SETX: variants seen among roughly 807,000 people sequenced by gnomAD.
SETX encodes senataxin.
In SETX, 90 loss-of-function variants were observed where a neutral mutation model predicts 227.2. That is an observed-to-expected ratio of 0.40 (90% CI 0.33 to 0.47). SETX has a LOEUF of 0.47. Ranked by LOEUF, SETX falls within the 20% of genes least tolerant of loss-of-function variation. SETX has a pLI of 0.91. For synonymous variants in SETX, 1,210 were observed against 1,113.2 expected (o/e 1.09, Z -1.73); for missense variants, 3,052 against 3,181.5 (o/e 0.96, Z 0.98).
chr9:132,265,001 A>C lies in SETX; in HGVS notation c.7288-16T>G, dbSNP rs1725584781. On this transcript the variant is annotated splice_polypyrimidine_tract_variant and intron_variant, in intron 25 of 25. Transcript: ENST00000224140. Reference sequence around the variant, plus strand: ...GCTGGTTTTCCTTGAAACAATGAGAAGGGAGAAATAATTACACCCCAAAGA... The same window carrying C: ...GCTGGTTTTCCTTGAAACAATGAGACGGGAGAAATAATTACACCCCAAAGA... 6.2e-7 allele frequency: 1 copy of C among 1,611,598 alleles called. No individual in the cohort carries two copies. Among genetic ancestry groups the C allele is most frequent in the Admixed American group, 1.7e-5 (1 of 60,022 alleles).
Position 132,311,785 on chromosome 9 carries a change from G to T in SETX, c.5346C>A (p.Ala1782=). 1 of 1,613,122 alleles carries T rather than the reference G, an allele frequency of 6.2e-7. No individual in the cohort carries two copies. Residue 1782 remains alanine, a synonymous_variant, in exon 11 of 26, where the codon GCC becomes GCA. Transcript: ENST00000224140. ...FYQLQVRKFP[A]DYIKYWEFAV... ...CAAACTCCCAGTATTTTATATAATC[G>T]GCAGGAAATTTTCGTACTTGCAACT...
At chr9:132,333,416 T>TATATATACACACAC in intron 7 of SETX, among the ~76,000 whole-genome samples, 2 of 88,074 alleles carry the variant, frequency 2.3e-5, no homozygotes, top group African/African-American at 1.0e-4. Flanking sequence ...AAAATATATA[T>TATATATACACACAC]ACACACACAC....
Position 132,288,585 on chromosome 9 carries a change from T to C in SETX, c.6173A>G (p.Lys2058Arg), listed in dbSNP as rs777797523. Residue 2058 changes from lysine to arginine, a missense_variant, in exon 16 of 26, where the codon AAG becomes AGG. Physicochemically the swap from Lys to Arg is conservative, Grantham distance 26. Coordinates refer to ENST00000224140, the MANE Select transcript of SETX (RefSeq NM_015046.7). ...PEKSINSEVL[K>R]FSLDSQVNHR... ...GTTTACTTGGCTGTCCAAACTGAAC[T>C]TTAGAACCTCACTATTAATAGACTT... The C allele has an allele frequency of 2.1e-5, 34 of 1,613,814 alleles. 1 individual carries two copies. In the South Asian group the frequency reaches 3.7e-4, roughly 18 times the overall value.
intron 25 of SETX, among the ~76,000 whole-genome samples, chr9:132,265,227 T>TG (rs1023328831): frequency 4.9e-5 from 7 of 144,196 alleles, no homozygotes; most frequent in Non-Finnish European, 9.1e-5. Flanking sequence ...AACTTTTGTT[T>TG]TTTTTTTTTT....
chr9:132,269,089 C>CTGTA (rs1450147889), intron 25 of SETX, among the ~76,000 whole-genome samples: 15 of 152,266 alleles, frequency 9.9e-5, no homozygotes, highest in Non-Finnish European at 1.8e-4. Context: ...GTGAATTAAG[C>CTGTA]TGTACCATTT....
At position 132,286,439 on chromosome 9, in the gene SETX, G is replaced by C; in HGVS notation, c.6380C>G (p.Ala2127Gly). 6.2e-7 allele frequency: 1 copy of C among 1,611,946 alleles called. No homozygotes were observed. The highest frequency in any genetic ancestry group is 8.5e-7 in the Non-Finnish European group (1 of 1,179,220). ...ACTACTTACCTCTTTAATTTTAGAA[G>C]CAAGTTCCTGCCTTTCCTTAGAAAC... Reference protein sequence around the residue: ...SKVSKERQELASKIKEVQGRP... With the variant: ...SKVSKERQELGSKIKEVQGRP... The change falls in exon 18 of 26, where the codon GCT (alanine) becomes GGT (glycine). Residue 2127 changes from alanine to glycine, a missense_variant. Ala to Gly is a moderately conservative substitution (Grantham distance 60). Coordinates refer to ENST00000224140, the MANE Select transcript of SETX (RefSeq NM_015046.7).
chr9:132,335,127 A>G (rs1410034211), intron 6 of SETX, among the ~76,000 whole-genome samples: 1 of 152,026 alleles, frequency 6.6e-6, no homozygotes, highest in East Asian at 1.9e-4. Flanking sequence ...GTGGTGGCTC[A>G]CACCTGTAAT....
chr9:132,323,508 C>T (rs1389989026), intron 10 of SETX, among the ~76,000 whole-genome samples: 4 of 151,776 alleles, frequency 2.6e-5, no homozygotes, highest in Non-Finnish European at 5.9e-5. Flanking sequence ...AGAGTGTGTG[C>T]AAGGGTTGGG....
rs1452861878 is a variant in SETX at position 132,328,429 on chromosome 9, CCTT to C, written c.3166_3168del (p.Lys1056del). The stretch of plus-strand genomic sequence containing the variant: ...TCTTCCTTTACTGGATTCTTTTCCT[CCTT>C]ACTATTAACTGTTGAAACGTGCTGC... On this transcript the variant is annotated inframe_deletion, in exon 10 of 26. Coordinates refer to ENST00000224140, the MANE Select transcript of SETX (RefSeq NM_015046.7). 8 of 1,613,780 alleles carry C rather than the reference CCTT, an allele frequency of 5.0e-6. No homozygotes were observed. Among genetic ancestry groups the C allele is most frequent in the East Asian group, 2.2e-5 (1 of 44,884 alleles).
chr9:132,348,373 C>CAAAAA (rs11376483), intron 3 of SETX, among the ~76,000 whole-genome samples: 5 of 122,416 alleles, frequency 4.1e-5, no homozygotes, highest in Middle Eastern at 4.4e-3. Flanking sequence ...AAAAAAAAAA[C>CAAAAA]AAAACAAAAA....
At chr9:132,341,965 A>ATC (rs1200903448) in intron 5 of SETX, among the ~76,000 whole-genome samples, 1 of 152,006 alleles carries the variant, frequency 6.6e-6, no homozygotes. Flanking sequence ...TTTTTTTAAT[A>ATC]TCATTGGTAT....
chr9:132,270,711 C>T (rs1214192415), intron 24 of SETX, among the ~76,000 whole-genome samples: 2 of 152,204 alleles, frequency 1.3e-5, no homozygotes, highest in Non-Finnish European at 2.9e-5. Context: ...CCAGCCTAAT[C>T]ACTTTATTCT....
At position 132,327,515 on chromosome 9, in the gene SETX, A is replaced by G. The variant is rs1296324433; in HGVS notation, c.4083T>C (p.Asn1361=). The change falls in exon 10 of 26, where the codon AAT becomes AAC. Residue 1361 remains asparagine (N), a synonymous_variant. Transcript: ENST00000224140. ...QRQIRPKSQK[N]RRRLSDCEST... ...TTTCACAATCAGAAAGTCTTCGTCT[A>G]TTTTTTTGTGATTTGGGTCTGATCT... 6.2e-7 allele frequency: 1 copy of G among 1,613,972 alleles called. No homozygotes were observed. The highest frequency in any genetic ancestry group is 1.1e-5 in the South Asian group (1 of 91,082).
chr9:132,342,817 A>G lies in SETX; in HGVS notation c.389-18T>C, dbSNP rs1848059980. 1 of 1,533,536 alleles carries G rather than the reference A, an allele frequency of 6.5e-7. No homozygotes were observed. Among genetic ancestry groups the G allele is most frequent in the Non-Finnish European group, 9.0e-7 (1 of 1,108,296 alleles). 95.0% of individuals were successfully genotyped at this position (1,533,536 alleles called of 1,614,324 possible). A position where few individuals can be genotyped will look rare whatever the true frequency, so the allele number is the denominator to read the frequency against. On this transcript the variant is annotated intron_variant, in intron 4 of 25. Transcript: ENST00000224140. ...TAACTCGTCTAAAAAGAAAAAAATAAGTAAAATACATAAATCTTATCACCT... is the reference window on the plus strand; with the variant it reads ...TAACTCGTCTAAAAAGAAAAAAATAGGTAAAATACATAAATCTTATCACCT...
intron 15 of SETX, 25 bp from the exon 16 acceptor site, chr9:132,288,676 G>A (rs753212073): frequency 2.2e-5 from 31 of 1,399,988 alleles, no homozygotes; most frequent in Non-Finnish European, 2.8e-5. Context: ...CACAGTTAAG[G>A]ACTAATAAGG....
intron 10 of SETX, among the ~76,000 whole-genome samples, chr9:132,322,606 T>C (rs1846431045): frequency 6.6e-6 from 1 of 152,210 alleles, no homozygotes; most frequent in Non-Finnish European, 1.5e-5. Context: ...GACCTGTTTA[T>C]CCATTCATCA....
chr9:132,288,523 C>T (rs549061906), intron 16 of SETX, 27 bp downstream of exon 16: 1 of 1,545,208 alleles, frequency 6.5e-7, no homozygotes, highest in African/African-American at 1.4e-5. Flanking sequence ...AGAGAAAACA[C>T]TAGTATATAC....
At position 132,264,126 on chromosome 9, in the gene SETX, T is replaced by C; in HGVS notation, c.*113A>G. 1 of 1,486,136 alleles carries C rather than the reference T, an allele frequency of 6.7e-7. No homozygotes were observed. The highest frequency in any genetic ancestry group is 9.3e-7 in the Non-Finnish European group (1 of 1,079,698). The allele number at this position is 1,486,136 out of a possible 1,614,324, so 92.1% of individuals were successfully genotyped here. ...TGTTAAGGATGCATTTTCCATGTTT[T>C]CCAACAGCACACAAACTCCTTACAA... On this transcript the variant is annotated 3_prime_UTR_variant, in exon 26 of 26. Transcript: ENST00000224140.
At position 132,345,764 on chromosome 9, in the gene SETX, C is replaced by T. The variant is rs543012001; in HGVS notation, c.388+497G>A. 5.8e-4 allele frequency among the ~76,000 whole-genome samples: 89 copies of T among 152,228 alleles called. 1 individual carries two copies. The highest frequency in any genetic ancestry group is 1.0e-3 in the Non-Finnish European group (69 of 67,992). ...AGGCATAGTGGCTCGTGCCTATAAT[C>T]CCAGCAATTTGGGAAGCTGAGGTGG... On this transcript the variant is annotated intron_variant, in intron 4 of 25. Coordinates refer to ENST00000224140, the MANE Select transcript of SETX (RefSeq NM_015046.7).
Sources: allele counts gnomAD v4.1 joint callset (sites outside exome capture counted in the v4.1 genomes callset), GRCh38; gene constraint gnomAD v4.1.1; transcripts MANE v1.5; gene names NCBI Gene and HGNC (gene_info 2026-07-23, HGNC 2026-07-21).